Variants in SIRPB2 observed in about 807,000 individuals in gnomAD.
SIRPB2 encodes the protein signal regulatory protein beta 2, also known as signal-regulatory protein beta-2.
SIRPB2 carries 18 observed loss-of-function variants against 27.1 expected under a neutral mutation model. That is an observed-to-expected ratio of 0.66 (90% CI 0.46 to 0.98). The LOEUF is 0.98. Ranked by LOEUF, SIRPB2 falls within the 50% of genes least tolerant of loss-of-function variation. The pLI is 0.00. For synonymous variants in SIRPB2, 150 were observed against 164.6 expected (o/e 0.91, Z 0.68); for missense variants, 420 against 417.4 (o/e 1.01, Z -0.06).
chr20:1,475,753 A>ATCTCGG lies in SIRPB2; in HGVS notation c.*413_*414insCCGAGA. On this transcript the variant is annotated 3_prime_UTR_variant, in exon 5 of 5. Coordinates refer to ENST00000359801, the MANE Select transcript of SIRPB2 (RefSeq NM_001122962.2). ...GGAAGGAGTGGGGAGAAAGGTGTAG[A>ATCTCGG]TGGAGGGGCACAGATGGTCTGGCTG... The ATCTCGG allele has an allele frequency of 5.8e-6, 1 of 171,206 alleles. No homozygotes were observed. 10.6% of individuals were successfully genotyped at this position (171,206 alleles called of 1,614,324 possible).
chr20:1,487,341 T>C (rs941255185), intron 1 of SIRPB2, among the ~76,000 whole-genome samples: 5 of 152,130 alleles, frequency 3.3e-5, no homozygotes, highest in African/African-American at 4.8e-5. Flanking sequence ...TGTTCATATG[T>C]TGGAAGATTC....
intron 1 of SIRPB2, among the ~76,000 whole-genome samples, chr20:1,488,538 T>C (rs2090748519): frequency 6.6e-6 from 1 of 151,974 alleles, no homozygotes; most frequent in African/African-American, 2.4e-5. Context: ...GTCACAGTTA[T>C]TTGGTAGGCT....
intron 1 of SIRPB2, among the ~76,000 whole-genome samples, chr20:1,489,347 A>C (rs913610409): frequency 1.3e-5 from 2 of 152,266 alleles, no homozygotes; most frequent in Non-Finnish European, 2.9e-5. Flanking sequence ...GTACGGTTTA[A>C]TATATGTCAC....
At position 1,479,955 on chromosome 20, in the gene SIRPB2, A is replaced by T. The variant is rs761444220; in HGVS notation, c.196T>A (p.Cys66Ser). Reference sequence around the variant, plus strand: ...ACCCATTTTATCATACCATCAGTGCAGGAGCCGACCACCATACACCTCAGT... The same window carrying T: ...ACCCATTTTATCATACCATCAGTGCTGGAGCCGACCACCATACACCTCAGT... ...LLLRCMVVGS[C>S]TDGMIKWVKV... The change falls in exon 2 of 5, where the codon TGC becomes AGC. Residue 66 changes from cysteine to serine, a missense_variant. Cys to Ser is a moderately radical substitution (Grantham distance 112). Transcript: ENST00000359801. 3.3e-5 allele frequency: 53 copies of T among 1,614,116 alleles called. No homozygotes were observed. Among genetic ancestry groups the T allele is most frequent in the Middle Eastern group, 3.3e-4 (2 of 6,084 alleles).
chr20:1,476,991 G>T, intron 4 of SIRPB2: 2 of 1,241,652 alleles, frequency 1.6e-6, no homozygotes, highest in South Asian at 1.5e-5. Context: ...ACTAGGAAGG[G>T]GCTCCATCCA....
At chr20:1,489,557 C>T (rs963153128) in intron 1 of SIRPB2, among the ~76,000 whole-genome samples, 2 of 152,126 alleles carry the variant, frequency 1.3e-5, no homozygotes, top group South Asian at 4.2e-4. Flanking sequence ...CCCTTCCCTC[C>T]CTCTCCCCTT....
intron 3 of SIRPB2, 119 bp from the exon 4 acceptor site, chr20:1,477,522 G>A: frequency 6.7e-7 from 1 of 1,491,572 alleles, no homozygotes; most frequent in Non-Finnish European, 8.9e-7. Context: ...GTATGGGCTA[G>A]AAGTCAAACC....
Position 1,478,443 on chromosome 20 carries a change from T to C in SIRPB2, c.616A>G (p.Asn206Asp). Reference protein sequence around the residue: ...GAGLSREAIYNFGGISHPKET... With the variant: ...GAGLSREAIYDFGGISHPKET... ...TTGGGGTGGGAGATGCCTCCAAAGTTGTAAATGGCCTCCCGGCTCAGACCA... is the reference window on the plus strand; with the variant it reads ...TTGGGGTGGGAGATGCCTCCAAAGTCGTAAATGGCCTCCCGGCTCAGACCA... Residue 206 changes from asparagine (N) to aspartate (D), a missense_variant, in exon 3 of 5, where the codon AAC becomes GAC. Coordinates refer to ENST00000359801, the MANE Select transcript of SIRPB2 (RefSeq NM_001122962.2). 1 of 1,614,182 alleles carries C rather than the reference T, an allele frequency of 6.2e-7. No homozygotes were observed. Among genetic ancestry groups the C allele is most frequent in the Non-Finnish European group, 8.5e-7 (1 of 1,180,032 alleles).
In SIRPB2 at chr20:1,478,608, C is replaced by T. The variant is rs2090635100; in HGVS notation, c.452-1G>A. On this transcript the variant is annotated splice_acceptor_variant, in intron 2 of 4. Coordinates refer to ENST00000359801, the MANE Select transcript of SIRPB2 (RefSeq NM_001122962.2). LOFTEE classifies it high-confidence loss of function. ...AGGTCTGGTTCAGGGTCCCCAGCTC[C>T]TGAAGCCAAAGAGGAGGTCCTTGTT... 6.4e-7 allele frequency: 1 copy of T among 1,557,692 alleles called. No homozygotes were observed. Among genetic ancestry groups the T allele is most frequent in the African/African-American group, 1.4e-5 (1 of 72,894 alleles).
At chr20:1,482,732 C>T (rs1000550143) in intron 1 of SIRPB2, among the ~76,000 whole-genome samples, 2 of 151,936 alleles carry the variant, frequency 1.3e-5, no homozygotes, top group African/African-American at 4.8e-5. Context: ...ATCTCCAGTT[C>T]CATCCGTGTT....
intron 1 of SIRPB2, among the ~76,000 whole-genome samples, chr20:1,481,963 C>A (rs2090675469): frequency 6.6e-6 from 1 of 152,148 alleles, no homozygotes. Context: ...ACTGGTAAAA[C>A]CCATGATTGT....
At chr20:1,476,594 C>T (rs1233526668) in intron 4 of SIRPB2, 1 of 508,920 alleles carries the variant, frequency 2.0e-6, no homozygotes. Context: ...TTGCCTAATG[C>T]AATCCTCAAG....
rs112388325 is a variant in SIRPB2, at chr20:1,491,215, T to C, written c.85+60A>G. 864 of 1,442,904 alleles carry C rather than the reference T, an allele frequency of 6.0e-4. 4 individuals carry two copies. The African/African-American group carries it at 0.011, about 18-fold the overall frequency. 89.4% of individuals were successfully genotyped at this position (1,442,904 alleles called of 1,614,324 possible). ...TCTTCAGGCATGGCAGAGCACTTAG[T>C]GCCCCTCTAGGGACTGACCAGCCGG... On this transcript the variant is annotated intron_variant, in intron 1 of 4. Coordinates refer to ENST00000359801, the MANE Select transcript of SIRPB2 (RefSeq NM_001122962.2).
downstream of SIRPB2, among the ~76,000 whole-genome samples, chr20:1,473,415 C>T (rs1293000688): frequency 1.3e-5 from 2 of 152,008 alleles, no homozygotes; most frequent in East Asian, 3.9e-4. Flanking sequence ...CACGTGCACA[C>T]GCAGGCACAC....
Position 1,476,076 on chromosome 20 carries a change from G to A in SIRPB2, c.*91C>T. 3.5e-6 allele frequency: 5 copies of A among 1,445,664 alleles called. No homozygotes were observed. The highest frequency in any genetic ancestry group is 4.7e-6 in the Non-Finnish European group (5 of 1,054,106). The allele number at this position is 1,445,664 out of a possible 1,614,324, so 89.6% of individuals were successfully genotyped here. ...TAGGAGTTTGTCATGAGGCCTGGGG[G>A]CACCTAGAGGCTGGGACTGGAGGTA... is the stretch of plus-strand genomic sequence containing the variant. On this transcript the variant is annotated 3_prime_UTR_variant, in exon 5 of 5. Transcript: ENST00000359801.
chr20:1,477,976 T>G, intron 3 of SIRPB2: 4 of 534,584 alleles, frequency 7.5e-6, no homozygotes, highest in African/African-American at 1.9e-5. Flanking sequence ...GCCTGGCCAA[T>G]GTTTGTTGAA....
At position 1,475,949 on chromosome 20, in the gene SIRPB2, A is replaced by T. The variant is rs568668655; in HGVS notation, c.*218T>A. The stretch of plus-strand genomic sequence containing the variant: ...CTGAGCCAGGGACTGAAAAGCAAGG[A>T]GGTCTTGAACAGGCCAAAAAGAGAA... On this transcript the variant is annotated 3_prime_UTR_variant, in exon 5 of 5. Coordinates refer to ENST00000359801, the MANE Select transcript of SIRPB2 (RefSeq NM_001122962.2). 462 of 516,568 alleles carry T rather than the reference A, an allele frequency of 8.9e-4. 7 individuals are homozygous for T. In the South Asian group the frequency reaches 0.011, roughly 13 times the overall value. 32.0% of individuals were successfully genotyped at this position (516,568 alleles called of 1,614,324 possible).
chr20:1,484,701 AAAAC>A (rs2090708496), intron 1 of SIRPB2, among the ~76,000 whole-genome samples: 1 of 151,532 alleles, frequency 6.6e-6, no homozygotes, highest in African/African-American at 2.4e-5. Context: ...ATAAAAAAAA[AAAAC>A]AAAATAAATA....
chr20:1,483,096 C>G (rs950518358), intron 1 of SIRPB2, among the ~76,000 whole-genome samples: 1 of 150,000 alleles, frequency 6.7e-6, no homozygotes, highest in African/African-American at 2.5e-5. Context: ...CCCTTTTCTC[C>G]TCATCCTCAT....
Sources: allele counts gnomAD v4.1 joint callset (sites outside exome capture counted in the v4.1 genomes callset), GRCh38; gene constraint gnomAD v4.1.1; transcripts MANE v1.5; gene names NCBI Gene and HGNC (gene_info 2026-07-23, HGNC 2026-07-21).